Variants in DLGAP1 observed in about 807,000 individuals in gnomAD.
The protein encoded by DLGAP1 is DLG associated protein 1, also known as disks large-associated protein 1.
In DLGAP1, 11 loss-of-function variants were observed where a neutral mutation model predicts 90.8. That is an observed-to-expected ratio of 0.12 (90% confidence interval 0.08 to 0.20). The LOEUF is 0.20. Among genes scored for constraint, DLGAP1 ranks in the 10% least tolerant of loss-of-function variants. DLGAP1 has a pLI of 1.00. For missense variants in DLGAP1, 1,050 were observed against 1,333.8 expected, an observed-to-expected ratio of 0.79 and a Z score of 3.31; for synonymous variants, 558 against 540.7, an observed-to-expected ratio of 1.03 and a Z score of -0.44.
intron 1 of DLGAP1, among the ~76,000 whole-genome samples, chr18:4,391,303 T>TG (rs2082334920): frequency 6.6e-6 from 1 of 152,202 alleles, no homozygotes; most frequent in South Asian, 2.1e-4. Context: ...AGAGTCCAGT[T>TG]GCGGAAGATG....
At chr18:4,089,811 C>A (rs527291253) in intron 2 of DLGAP1, among the ~76,000 whole-genome samples, 31 of 152,224 alleles carry the variant, frequency 2.0e-4, no homozygotes, top group Middle Eastern at 3.4e-3. Flanking sequence ...TTTGGGAGGC[C>A]GAGGCGGGCG....
At chr18:4,218,947 T>A (rs1178637482) in intron 1 of DLGAP1, among the ~76,000 whole-genome samples, 1 of 151,820 alleles carries the variant, frequency 6.6e-6, no homozygotes, top group African/African-American at 2.4e-5. Context: ...ATAGTGCAGA[T>A]ATCTCTTTGA....
At chr18:3,696,455 C>A (rs1310157287) in intron 7 of DLGAP1, among the ~76,000 whole-genome samples, 4 of 152,110 alleles carry the variant, frequency 2.6e-5, no homozygotes, top group Non-Finnish European at 5.9e-5. Context: ...TTGAAATAAT[C>A]GTGTGTTTTT....
rs58935950 is a variant in DLGAP1 at position 4,205,442 on chromosome 18, G to A, written c.-266-54155C>T. On this transcript the variant is annotated intron_variant, in intron 1 of 12. Transcript: ENST00000315677. ...ATTGTAGATTGTATCCTTTGGACCTGCACTATCTGATATGATAGCCACTAT... is the reference window on the plus strand; with the variant it reads ...ATTGTAGATTGTATCCTTTGGACCTACACTATCTGATATGATAGCCACTAT... Among the ~76,000 whole-genome samples the A allele has an allele frequency of 1.9e-3, 287 of 152,286 alleles. 1 individual carries two copies. The highest frequency in any genetic ancestry group is 6.6e-3 in the African/African-American group (274 of 41,564).
intron 7 of DLGAP1, chr18:3,606,696 G>C (rs1403300112): frequency 6.6e-6 from 1 of 152,084 alleles, no homozygotes; most frequent in Non-Finnish European, 1.5e-5. Context: ...ATGGGATTAC[G>C]GGTGATTTTT....
chr18:3,835,209 C>T (rs953510733), intron 4 of DLGAP1, among the ~76,000 whole-genome samples: 5 of 152,026 alleles, frequency 3.3e-5, no homozygotes, highest in African/African-American at 1.2e-4. Context: ...TATCCAGCAG[C>T]CCTATACTTA....
chr18:4,400,163 C>T (rs1348841140), intron 1 of DLGAP1, among the ~76,000 whole-genome samples: 2 of 152,104 alleles, frequency 1.3e-5, no homozygotes, highest in Non-Finnish European at 2.9e-5. Flanking sequence ...TGCAGCACGC[C>T]CCTGAGCATC....
At chr18:4,119,869 C>A (rs7243843) in intron 2 of DLGAP1, among the ~76,000 whole-genome samples, 1 of 151,982 alleles carries the variant, frequency 6.6e-6, no homozygotes, top group Non-Finnish European at 1.5e-5. Context: ...CATTTGGATA[C>A]ATAAATATTC....
At chr18:3,659,730 T>C (rs1278165823) in intron 7 of DLGAP1, among the ~76,000 whole-genome samples, 1 of 152,010 alleles carries the variant, frequency 6.6e-6, no homozygotes, top group Non-Finnish European at 1.5e-5. Context: ...CACACCCAGC[T>C]AAGTTTCGTA....
intron 7 of DLGAP1, among the ~76,000 whole-genome samples, chr18:3,591,926 G>T (rs1202292502): frequency 6.6e-6 from 1 of 152,120 alleles, no homozygotes; most frequent in South Asian, 2.1e-4. Flanking sequence ...ATAACAGAGG[G>T]AGTTCTCAGC....
At chr18:4,316,070 T>C (rs7227637) in intron 1 of DLGAP1, among the ~76,000 whole-genome samples, 27,144 of 152,134 alleles carry the variant, frequency 0.18, 3,027 homozygotes, top group East Asian at 0.31. Context: ...TCTGGTTTCA[T>C]TGCTATCTAT....
At chr18:4,166,260 A>C (rs189746003) in intron 1 of DLGAP1, among the ~76,000 whole-genome samples, 47 of 152,322 alleles carry the variant, frequency 3.1e-4, no homozygotes, top group African/African-American at 1.1e-3. Context: ...GACCAATAGC[A>C]CATGAAAAGA....
At chr18:3,948,230 TTTGCCAAGAGCTTGTCCTGCTCTTGTC>T (rs1196675448) in intron 3 of DLGAP1, among the ~76,000 whole-genome samples, 3 of 152,072 alleles carry the variant, frequency 2.0e-5, no homozygotes, top group African/African-American at 7.3e-5. Context: ...ACCTCATCAA[TTTGCCAAGAGCTTGTCCTGCTCTTGTC>T]TTGCCAAGAG....
intron 5 of DLGAP1, among the ~76,000 whole-genome samples, chr18:3,790,735 A>G (rs1201714699): frequency 6.6e-6 from 1 of 152,230 alleles, no homozygotes; most frequent in African/African-American, 2.4e-5. Flanking sequence ...AAGTTGGGGA[A>G]AAGGGAAGGA....
At chr18:4,056,422 G>A (rs780899637) in intron 2 of DLGAP1, among the ~76,000 whole-genome samples, 21 of 152,156 alleles carry the variant, frequency 1.4e-4, no homozygotes, top group Non-Finnish European at 2.2e-4. Context: ...GATTCAGAAT[G>A]GCCAGAAACT....
intron 5 of DLGAP1, among the ~76,000 whole-genome samples, chr18:3,788,858 A>C (rs535889688): frequency 5.3e-5 from 8 of 152,348 alleles, no homozygotes; most frequent in African/African-American, 1.9e-4. Flanking sequence ...CAGCCACCTA[A>C]AAATATGTGT....
intron 1 of DLGAP1, among the ~76,000 whole-genome samples, chr18:4,292,159 A>T (rs1413734580): frequency 6.6e-6 from 1 of 152,218 alleles, no homozygotes; most frequent in Non-Finnish European, 1.5e-5. Context: ...TCAAAATTGA[A>T]TAGCATAAGC....
chr18:3,860,111 A>T (rs1326144651), intron 4 of DLGAP1, among the ~76,000 whole-genome samples: 1 of 115,982 alleles, frequency 8.6e-6, no homozygotes, highest in Admixed American at 9.0e-5. Context: ...AAAATAAATA[A>T]ATAAATAAAT....
chr18:4,406,839 A>G (rs1228973909), intron 1 of DLGAP1, among the ~76,000 whole-genome samples: 1 of 152,212 alleles, frequency 6.6e-6, no homozygotes, highest in African/African-American at 2.4e-5. Context: ...ATATAAAATT[A>G]GTGGCTTTAT....
Sources: allele counts gnomAD v4.1 joint callset (sites outside exome capture counted in the v4.1 genomes callset), GRCh38; gene constraint gnomAD v4.1.1; transcripts MANE v1.5; gene names NCBI Gene and HGNC (gene_info 2026-07-23, HGNC 2026-07-21).